Variants in PPP2R2B observed in about 807,000 individuals in gnomAD.
PPP2R2B encodes protein phosphatase 2 regulatory subunit Bbeta.
Under a neutral mutation model 46.0 loss-of-function variants are expected in PPP2R2B, and 5 were observed. The ratio of observed to expected loss-of-function variants is 0.11; its 90% confidence interval spans 0.06 to 0.23. PPP2R2B has a LOEUF of 0.23. PPP2R2B is among the 10% of genes least tolerant of loss of function. The pLI is 1.00. For synonymous variants in PPP2R2B, 215 were observed against 206.7 expected, an observed-to-expected ratio of 1.04 and a Z score of -0.34; for missense variants, 367 against 575.0, an observed-to-expected ratio of 0.64 and a Z score of 3.70.
intron 2 of PPP2R2B, among the ~76,000 whole-genome samples, chr5:146,765,498 G>A (rs926779069): frequency 2.6e-5 from 4 of 152,210 alleles, no homozygotes; most frequent in African/African-American, 7.2e-5. Flanking sequence ...CACATATTAT[G>A]AGAAGTGGCC....
At chr5:146,886,597 G>A (rs997961234) in intron 1 of PPP2R2B, among the ~76,000 whole-genome samples, 14 of 151,784 alleles carry the variant, frequency 9.2e-5, no homozygotes, top group African/African-American at 3.1e-4. Flanking sequence ...GTGCAGAAAC[G>A]CTTAAAAGTA....
intron 1 of PPP2R2B, among the ~76,000 whole-genome samples, chr5:146,934,646 C>CAACAAATA (rs1338017655): frequency 1.4e-5 from 2 of 144,028 alleles, no homozygotes; most frequent in African/African-American, 5.1e-5. Context: ...ACTTTGGCCT[C>CAACAAATA]AACAAATATA....
intron 1 of PPP2R2B, among the ~76,000 whole-genome samples, chr5:146,962,970 G>A (rs1330869657): frequency 6.6e-6 from 1 of 152,182 alleles, no homozygotes; most frequent in Non-Finnish European, 1.5e-5. Flanking sequence ...CTTTCTTAGT[G>A]GAGCTGAATA....
Position 147,051,431 on chromosome 5 carries a change from C to A in PPP2R2B, c.79+4234G>T, listed in dbSNP as rs185485285. 1.1e-4 allele frequency among the ~76,000 whole-genome samples: 17 copies of A among 152,234 alleles called. No homozygotes were observed. The East Asian group carries it at 3.1e-3, about 28-fold the overall frequency. ...CTTCTTATTTCTTCTTTCCAGTCTCCTTGTGGTTTGTGTGACTCATAATAA... is the reference window on the plus strand; with the variant it reads ...CTTCTTATTTCTTCTTTCCAGTCTCATTGTGGTTTGTGTGACTCATAATAA... On this transcript the variant is annotated intron_variant, in intron 1 of 8. Transcript: ENST00000336640.
At chr5:146,848,321 C>G (rs1760131282) in intron 2 of PPP2R2B, among the ~76,000 whole-genome samples, 1 of 152,154 alleles carries the variant, frequency 6.6e-6, no homozygotes, top group Non-Finnish European at 1.5e-5. Flanking sequence ...TAATCATTAA[C>G]CAAAGTCCAT....
At chr5:146,731,805 C>A (rs9686976) in intron 2 of PPP2R2B, among the ~76,000 whole-genome samples, 25,475 of 152,182 alleles carry the variant, frequency 0.17, 2,815 homozygotes, top group East Asian at 0.39. Context: ...TGTAACACAA[C>A]TGACAAGAAT....
chr5:146,950,907 A>AAAATTTT (rs1302009513), intron 1 of PPP2R2B, among the ~76,000 whole-genome samples: 10 of 152,104 alleles, frequency 6.6e-5, no homozygotes, highest in Non-Finnish European at 1.2e-4. Flanking sequence ...CTTAGTGCCA[A>AAAATTTT]AAATTTTCGG....
At chr5:146,759,580 C>T (rs571889396) in intron 2 of PPP2R2B, among the ~76,000 whole-genome samples, 1 of 152,190 alleles carries the variant, frequency 6.6e-6, no homozygotes, top group Admixed American at 6.5e-5. Flanking sequence ...TCAGGCATCA[C>T]CTCTAGAAAG....
At chr5:146,729,674 T>G (rs2151203936) in intron 2 of PPP2R2B, among the ~76,000 whole-genome samples, 1 of 152,324 alleles carries the variant, frequency 6.6e-6, no homozygotes, top group African/African-American at 2.4e-5. Context: ...AGGGCCAACA[T>G]ACAGCTTGGG....
At chr5:146,653,009 ACTAC>A (rs2151097111) in intron 5 of PPP2R2B, among the ~76,000 whole-genome samples, 1 of 152,318 alleles carries the variant, frequency 6.6e-6, no homozygotes, top group African/African-American at 2.4e-5. Flanking sequence ...CCTGAGAAAC[ACTAC>A]ACCAAAATAT....
chr5:147,056,877 A>C (rs1335170428), upstream of PPP2R2B, among the ~76,000 whole-genome samples: 1 of 152,216 alleles, frequency 6.6e-6, no homozygotes, highest in Non-Finnish European at 1.5e-5. Context: ...GTTCTGTCAA[A>C]GACACTATTG....
At chr5:147,029,901 T>A (rs539684114) in intron 1 of PPP2R2B, among the ~76,000 whole-genome samples, 1 of 151,540 alleles carries the variant, frequency 6.6e-6, no homozygotes, top group South Asian at 2.1e-4. Flanking sequence ...CAGTCTCTGA[T>A]ATTCTGTTAT....
In PPP2R2B at chr5:146,878,405, G is replaced by T; in HGVS notation, c.-125+186C>A. The T allele has an allele frequency of 2.0e-6, 2 of 988,372 alleles. No homozygotes were observed. Among genetic ancestry groups the T allele is most frequent in the African/African-American group, 3.4e-5 (2 of 59,690 alleles). 61.2% of individuals were successfully genotyped at this position (988,372 alleles called of 1,614,324 possible). On this transcript the variant is annotated intron_variant, in intron 1 of 9. Transcript: ENST00000394411. This position sits in a 1 kb window ranked among gnomAD's most constrained non-coding sequence, Gnocchi z 4.5. ...TGCCCCGAGGGGTCTGGTCCCGCCC[G>T]CCCGCCCCGGAGGCGCTCACAAGCG... is the stretch of plus-strand genomic sequence containing the variant.
At chr5:146,758,011 C>T (rs771742635) in intron 2 of PPP2R2B, among the ~76,000 whole-genome samples, 5 of 152,194 alleles carry the variant, frequency 3.3e-5, no homozygotes, top group Non-Finnish European at 7.3e-5. Context: ...TGAAACCTCT[C>T]AGCTACTCAG....
intron 2 of PPP2R2B, among the ~76,000 whole-genome samples, chr5:146,836,206 T>C (rs1759274042): frequency 6.6e-6 from 1 of 152,184 alleles, no homozygotes; most frequent in South Asian, 2.1e-4. Context: ...AGTTGGTATG[T>C]CACTGGTTAC....
intron 2 of PPP2R2B, among the ~76,000 whole-genome samples, chr5:146,864,462 G>A (rs1204921736): frequency 7.0e-6 from 1 of 142,118 alleles, no homozygotes; most frequent in Non-Finnish European, 1.5e-5. Flanking sequence ...CCCCATGAGA[G>A]ACTAGCTCAT....
intron 1 of PPP2R2B, among the ~76,000 whole-genome samples, chr5:147,001,598 G>A (rs967735958): frequency 5.3e-5 from 8 of 152,128 alleles, no homozygotes; most frequent in East Asian, 1.9e-4. Flanking sequence ...TGAAGTCAGC[G>A]AGACCAAGAA....
intron 3 of PPP2R2B, among the ~76,000 whole-genome samples, 164 bp from the exon 4 acceptor site, chr5:146,698,308 AAAAAAAAAAATATAT>A (rs1216323209): frequency 1.5e-4 from 14 of 91,790 alleles, no homozygotes; most frequent in African/African-American, 6.4e-4. Flanking sequence ...GAAAAAAAAA[AAAAAAAAAAATATAT>A]ATATATATAT....
At chr5:146,708,375 G>A (rs1481140451) in intron 2 of PPP2R2B, among the ~76,000 whole-genome samples, 2 of 144,226 alleles carry the variant, frequency 1.4e-5, no homozygotes, top group African/African-American at 5.3e-5. Flanking sequence ...AAAAAACACT[G>A]TATATCTGTA....
Sources: gnomAD v4.1 joint callset for allele counts (sites outside exome capture counted in the v4.1 genomes callset) on GRCh38, gnomAD v4.1.1 for gene constraint, Gnocchi (gnomAD v3.1) non-coding constraint, MANE v1.5 for transcripts, NCBI Gene and HGNC (gene_info 2026-07-23, HGNC 2026-07-21) for gene names.